Variants in DOCK10 observed in about 807,000 individuals in gnomAD.
DOCK10 encodes dedicator of cytokinesis 10.
A neutral mutation model predicts 280.1 loss-of-function variants in DOCK10; 145 were observed. That is an observed-to-expected ratio of 0.52 (90% confidence interval 0.45 to 0.59). DOCK10 has a LOEUF of 0.59. Among genes scored for constraint, DOCK10 ranks in the 20% least tolerant of loss-of-function variants. The probability of loss-of-function intolerance (pLI) is 0.00; values close to 1 mark genes in which losing one functional copy is unlikely to be tolerated. For synonymous variants in DOCK10, 915 were observed against 942.2 expected, an observed-to-expected ratio of 0.97 and a Z score of 0.53; for missense variants, 2,368 against 2,651.7, an observed-to-expected ratio of 0.89 and a Z score of 2.35.
intron 2 of DOCK10, among the ~76,000 whole-genome samples, chr2:224,923,799 C>A (rs1701907468): frequency 1.3e-5 from 2 of 152,214 alleles, no homozygotes; most frequent in African/African-American, 4.8e-5. Flanking sequence ...GGTGCCAGCT[C>A]CTTTTCAAAA....
intron 15 of DOCK10, among the ~76,000 whole-genome samples, chr2:224,856,342 T>C (rs1257431632): frequency 6.6e-6 from 1 of 152,194 alleles, no homozygotes; most frequent in African/African-American, 2.4e-5. Flanking sequence ...TTCTGCCTAT[T>C]CTCCTCTGCT....
Position 224,800,178 on chromosome 2 carries a change from C to G in DOCK10, c.4479G>C (p.Leu1493=), listed in dbSNP as rs1250596383. The G allele has an allele frequency of 6.2e-7, 1 of 1,610,256 alleles. No individual in the cohort carries two copies. The highest frequency in any genetic ancestry group is 2.2e-5 in the East Asian group (1 of 44,802). Residue 1493 remains leucine, a synonymous_variant, in exon 41 of 56, where the codon CTG becomes CTC. Coordinates refer to ENST00000258390, the MANE Select transcript of DOCK10 (RefSeq NM_014689.3). ...ATEVCLTILD[L]LSLFTQTHQR... ...GATGAGTCTGTGTGAAGAGGGATAA[C>G]AGGTCCAGAATAGTGAGGCAAACCT...
intron 1 of DOCK10, among the ~76,000 whole-genome samples, chr2:224,982,796 T>C (rs979861618): frequency 4.9e-5 from 3 of 61,550 alleles, no homozygotes; most frequent in East Asian, 6.0e-4. Flanking sequence ...GGAGTGAAAA[T>C]GATTTTTTTT....
intron 27 of DOCK10, among the ~76,000 whole-genome samples, chr2:224,826,486 A>G (rs1236512980): frequency 2.0e-5 from 3 of 152,206 alleles, no homozygotes; most frequent in Non-Finnish European, 4.4e-5. Context: ...TGGATGATGG[A>G]AATTCCTTTA....
In DOCK10 at chr2:224,856,340, A is replaced by G. The variant is rs1053249032; in HGVS notation, c.1808+520T>C. On this transcript the variant is annotated intron_variant, in intron 15 of 55. Transcript: ENST00000258390. ...CAGATCACCCCAGAACCTTCTGCCT[A>G]TTCTCCTCTGCTCAGCATTACAGCC... Among the ~76,000 whole-genome samples, 5 of 152,136 alleles carry G rather than the reference A, an allele frequency of 3.3e-5. No homozygotes were observed. In the East Asian group the frequency reaches 7.7e-4, roughly 23 times the overall value.
intron 1 of DOCK10, among the ~76,000 whole-genome samples, chr2:224,974,776 G>A (rs1256668159): frequency 1.2e-5 from 1 of 80,176 alleles, no homozygotes; most frequent in Non-Finnish European, 3.7e-5. Flanking sequence ...ATCCACTAAA[G>A]GTATAATGTT....
intron 7 of DOCK10, among the ~76,000 whole-genome samples, chr2:224,881,932 C>T (rs1468441497): frequency 6.6e-6 from 1 of 152,208 alleles, no homozygotes; most frequent in Non-Finnish European, 1.5e-5. Context: ...TCTCTTCATG[C>T]ATGCAGGGGG....
chr2:225,019,223 A>G (rs1158668422), intron 1 of DOCK10, among the ~76,000 whole-genome samples: 1 of 151,780 alleles, frequency 6.6e-6, no homozygotes, highest in African/African-American at 2.4e-5. Context: ...CATCTTCAGG[A>G]CCCCCGCTAT....
chr2:224,938,466 T>C (rs62187990), intron 1 of DOCK10, among the ~76,000 whole-genome samples: 35,677 of 151,922 alleles, frequency 0.23, 4,569 homozygotes, highest in Non-Finnish European at 0.28. Context: ...TCTTCACATC[T>C]TGACACACGG....
Position 224,939,701 on chromosome 2 carries a change from C to T in DOCK10, c.124-8033G>A, listed in dbSNP as rs182528397. Reference sequence around the variant, plus strand: ...GTGATGAGAGCTGTCACCAGCTTAACCTCAGATACTATCTTATTATTTTTA... The same window carrying T: ...GTGATGAGAGCTGTCACCAGCTTAATCTCAGATACTATCTTATTATTTTTA... On this transcript the variant is annotated intron_variant, in intron 1 of 55. Coordinates refer to ENST00000258390, the MANE Select transcript of DOCK10 (RefSeq NM_014689.3). Among the ~76,000 whole-genome samples, 5 of 152,234 alleles carry T rather than the reference C, an allele frequency of 3.3e-5. No homozygotes were observed. In the East Asian group the frequency reaches 9.6e-4, roughly 29 times the overall value.
intron 1 of DOCK10, among the ~76,000 whole-genome samples, chr2:225,029,125 C>T (rs971643558): frequency 6.6e-6 from 1 of 152,144 alleles, no homozygotes; most frequent in Non-Finnish European, 1.5e-5. Flanking sequence ...CTGACCACAT[C>T]CATTTAAACC....
intron 53 of DOCK10, among the ~76,000 whole-genome samples, chr2:224,772,214 T>C: frequency 6.6e-6 from 1 of 152,106 alleles, no homozygotes; most frequent in Non-Finnish European, 1.5e-5. Flanking sequence ...AGCCACTGCA[T>C]CTGGACTTCT....
chr2:224,976,240 G>T (rs960023540), intron 1 of DOCK10, among the ~76,000 whole-genome samples: 7 of 152,136 alleles, frequency 4.6e-5, no homozygotes, highest in South Asian at 4.2e-4. Flanking sequence ...GTTGAGGGGT[G>T]GGGGGAAAGG....
intron 1 of DOCK10, among the ~76,000 whole-genome samples, chr2:224,997,838 C>CA (rs1706317764): frequency 6.6e-6 from 1 of 152,130 alleles, no homozygotes; most frequent in East Asian, 1.9e-4. Flanking sequence ...TTCAAAGCCA[C>CA]AGAGAAGATT....
chr2:224,809,361 A>C (rs1693613037), intron 31 of DOCK10, among the ~76,000 whole-genome samples: 1 of 152,178 alleles, frequency 6.6e-6, no homozygotes, highest in South Asian at 2.1e-4. Context: ...TATCAAATTT[A>C]AAAGTTTCTG....
At position 224,826,555 on chromosome 2, in the gene DOCK10, T is replaced by A. The variant is rs1056543524; in HGVS notation, c.3037-2908A>T. 2.6e-5 allele frequency among the ~76,000 whole-genome samples: 4 copies of A among 151,778 alleles called. No homozygotes were observed. The East Asian group carries it at 7.7e-4, about 29-fold the overall frequency. On this transcript the variant is annotated intron_variant, in intron 27 of 55. Transcript: ENST00000258390. ...AAAGAAAAAAAAAAGAAAATACAAA[T>A]AGCTTGGGAAAAGTTTACTGTGAAT...
At chr2:225,041,080 C>G (rs1690409925) in intron 1 of DOCK10, among the ~76,000 whole-genome samples, 1 of 152,166 alleles carries the variant, frequency 6.6e-6, no homozygotes, top group African/African-American at 2.4e-5. Flanking sequence ...CCCGATGCCT[C>G]TTCCCTCTGC....
intron 4 of DOCK10, chr2:224,893,667 A>G: frequency 2.2e-6 from 1 of 455,082 alleles, no homozygotes. Flanking sequence ...AAAATAAAAA[A>G]AGTGAAAATC....
At position 224,885,722 on chromosome 2, in the gene DOCK10, G is replaced by C; in HGVS notation, c.696C>G (p.Ser232=). 1 of 1,613,618 alleles carries C rather than the reference G, an allele frequency of 6.2e-7. No individual in the cohort carries two copies. Among genetic ancestry groups the C allele is most frequent in the Non-Finnish European group, 8.5e-7 (1 of 1,179,756 alleles). ...IMNFYKDEKI[S]KEPKGCIFLD... is the part of the protein sequence containing the mutation. The stretch of plus-strand genomic sequence containing the variant: ...AAAAGATGCATCCTTTGGGTTCTTT[G>C]GATATTTTCTCATCTTTGTAAAAGT... The change falls in exon 7 of 56, where the codon TCC becomes TCG. Residue 232 remains serine (S), a synonymous_variant. Coordinates refer to ENST00000258390, the MANE Select transcript of DOCK10 (RefSeq NM_014689.3).
Sources: allele counts gnomAD v4.1 joint callset (sites outside exome capture counted in the v4.1 genomes callset), GRCh38; gene constraint gnomAD v4.1.1; transcripts MANE v1.5; gene names NCBI Gene and HGNC (gene_info 2026-07-23, HGNC 2026-07-21).